NUP58: variants seen among roughly 807,000 people sequenced by gnomAD.
NUP58 encodes the protein nucleoporin 58, also known as nucleoporin p58/p45.
NUP58 carries 17 observed loss-of-function variants against 70.1 expected under a neutral mutation model. The observed-to-expected ratio is 0.24, with a 90% CI of 0.17 to 0.36. The LOEUF (loss-of-function observed/expected upper bound fraction) is 0.36. NUP58 is among the 10% of genes least tolerant of loss of function. The pLI is 1.00. For missense variants in NUP58, 644 were observed against 701.5 expected, an observed-to-expected ratio of 0.92 and a Z score of 0.93; for synonymous variants, 275 against 257.6, an observed-to-expected ratio of 1.07 and a Z score of -0.65.
intron 13 of NUP58, chr13:25,331,786 T>G: frequency 7.3e-7 from 1 of 1,362,638 alleles, no homozygotes; most frequent in Admixed American, 3.1e-5. Flanking sequence ...GTGAATCTAC[T>G]TAATGTTATT....
At chr13:25,315,893 C>G (rs968328435) in intron 6 of NUP58, among the ~76,000 whole-genome samples, 5 of 152,096 alleles carry the variant, frequency 3.3e-5, no homozygotes, top group Non-Finnish European at 7.4e-5. Context: ...GGGTTCAGAT[C>G]CTGGCTCAAC....
intron 5 of NUP58, 108 bp downstream of exon 5, chr13:25,313,859 TTAAA>T (rs1255927000): frequency 2.4e-6 from 2 of 827,506 alleles, no homozygotes; most frequent in African/African-American, 3.6e-5. Context: ...ATATTTTCCT[TTAAA>T]TATGAAAACT....
intron 13 of NUP58, chr13:25,334,041 AT>A (rs924146910): frequency 9.7e-5 from 83 of 853,624 alleles, no homozygotes; most frequent in East Asian, 2.4e-4. Context: ...TCCTCCTTCA[AT>A]TTTTTTTTTA....
At chr13:25,307,583 A>G (rs2030435354) in intron 1 of NUP58, among the ~76,000 whole-genome samples, 1 of 152,120 alleles carries the variant, frequency 6.6e-6, no homozygotes, top group Non-Finnish European at 1.5e-5. Context: ...GACTACTTTT[A>G]CATGTGGATT....
intron 14 of NUP58, 119 bp downstream of exon 14, chr13:25,337,153 G>C (rs777543553): frequency 3.0e-5 from 15 of 507,596 alleles, no homozygotes; most frequent in Non-Finnish European, 4.3e-5. Flanking sequence ...GTTCCATCTG[G>C]CAAAAATGAT....
In NUP58 at chr13:25,340,635, A is replaced by G. The variant is rs2031926479; in HGVS notation, c.*501A>G. ...AGTTGTGTGTGCATATAAAATACATATTTACGCCAGGCGTGGTGGCTCACG... is the reference window on the plus strand; with the variant it reads ...AGTTGTGTGTGCATATAAAATACATGTTTACGCCAGGCGTGGTGGCTCACG... On this transcript the variant is annotated 3_prime_UTR_variant, in exon 16 of 16. Coordinates refer to ENST00000381736, the MANE Select transcript of NUP58 (RefSeq NM_014089.4). The G allele has an allele frequency of 6.6e-6, 1 of 152,176 alleles. No homozygotes were observed. The allele number at this position is 152,176 out of a possible 1,614,324, so 9.4% of individuals were successfully genotyped here. A position where few individuals can be genotyped will look rare whatever the true frequency, so the allele number is the denominator to read the frequency against.
intron 1 of NUP58, chr13:25,303,239 A>C: frequency 2.6e-6 from 1 of 391,432 alleles, no homozygotes; most frequent in Non-Finnish European, 4.9e-6. Context: ...AGAAAAAAAA[A>C]CTTACCATAG....
chr13:25,324,729 C>G (rs189821099), intron 9 of NUP58, among the ~76,000 whole-genome samples: 66 of 152,176 alleles, frequency 4.3e-4, no homozygotes, highest in Middle Eastern at 6.8e-3. Context: ...GAATTCACTT[C>G]GTGAATCCTA....
intron 6 of NUP58, among the ~76,000 whole-genome samples, chr13:25,316,625 A>G (rs1247633551): frequency 6.6e-6 from 1 of 152,096 alleles, no homozygotes; most frequent in Non-Finnish European, 1.5e-5. Flanking sequence ...CTCTGTAGCA[A>G]CTCCATAATT....
intron 10 of NUP58, among the ~76,000 whole-genome samples, chr13:25,326,092 C>T (rs967331533): frequency 6.6e-6 from 1 of 152,120 alleles, no homozygotes; most frequent in African/African-American, 2.4e-5. Flanking sequence ...GTGGATATTT[C>T]TTAAAAATAA....
intron 3 of NUP58, among the ~76,000 whole-genome samples, chr13:25,312,566 C>T (rs532869485): frequency 1.3e-5 from 2 of 152,180 alleles, no homozygotes; most frequent in African/African-American, 4.8e-5. Context: ...CAGGGTTTCA[C>T]CGTGTTGGCC....
chr13:25,302,936 C>T (rs777635582), intron 1 of NUP58: 1 of 456,414 alleles, frequency 2.2e-6, no homozygotes, highest in Non-Finnish European at 4.4e-6. Flanking sequence ...GTTCCACAAC[C>T]CTGCTTAGGC....
At chr13:25,324,197 G>GA (rs1419583513) in intron 9 of NUP58, among the ~76,000 whole-genome samples, 1 of 151,994 alleles carries the variant, frequency 6.6e-6, no homozygotes, top group African/African-American at 2.4e-5. Context: ...AAAGGATGTA[G>GA]AAAAAACAGT....
At chr13:25,323,278 C>T (rs1233222972) in intron 9 of NUP58, among the ~76,000 whole-genome samples, 3 of 151,860 alleles carry the variant, frequency 2.0e-5, no homozygotes, top group Non-Finnish European at 2.9e-5. Context: ...GGCTTAATAC[C>T]TAGGCGATGA....
intron 12 of NUP58, among the ~76,000 whole-genome samples, chr13:25,329,450 C>T (rs1049447636): frequency 6.6e-6 from 1 of 152,004 alleles, no homozygotes; most frequent in Non-Finnish European, 1.5e-5. Context: ...AACAGTGAGA[C>T]CAAGACCACA....
rs768669134 is a variant in NUP58 at position 25,301,761 on chromosome 13, G to A, written c.-13G>A. On this transcript the variant is annotated 5_prime_UTR_variant, in exon 1 of 16. Coordinates refer to ENST00000381736, the MANE Select transcript of NUP58 (RefSeq NM_014089.4). ...CATTTCGCCTTGCTGACGGCGTCGAGCCCTGGCCAGACATGTCCACAGGGT... is the reference window on the plus strand; with the variant it reads ...CATTTCGCCTTGCTGACGGCGTCGAACCCTGGCCAGACATGTCCACAGGGT... The A allele has an allele frequency of 6.3e-7, 1 of 1,587,146 alleles. No homozygotes were observed. Among genetic ancestry groups the A allele is most frequent in the African/African-American group, 1.4e-5 (1 of 73,918 alleles).
At chr13:25,306,201 T>G (rs1207759616) in intron 1 of NUP58, among the ~76,000 whole-genome samples, 4 of 151,868 alleles carry the variant, frequency 2.6e-5, no homozygotes, top group Admixed American at 1.3e-4. Flanking sequence ...GTCAGGAGAT[T>G]GAGACCATCC....
In NUP58 at chr13:25,327,095, A is replaced by G. The variant is rs1272293545; in HGVS notation, c.1150+61A>G. On this transcript the variant is annotated intron_variant, in intron 11 of 15. Transcript: ENST00000381736. ...TTGTTTGTAGGAGATAGATGTGGTT[A>G]TATAATAGGTATTTTGGATAACTAC... is the stretch of plus-strand genomic sequence containing the variant. The G allele has an allele frequency of 4.2e-6, 4 of 950,290 alleles. No individual in the cohort carries two copies. The African/African-American group carries it at 5.0e-5, about 12-fold the overall frequency. The allele number at this position is 950,290 out of a possible 1,614,324, so 58.9% of individuals were successfully genotyped here. A position where few individuals can be genotyped will look rare whatever the true frequency, so the allele number is the denominator to read the frequency against.
intron 12 of NUP58, 105 bp downstream of exon 12, chr13:25,327,617 A>C (rs746090704): frequency 5.1e-5 from 33 of 643,808 alleles, no homozygotes; most frequent in Non-Finnish European, 8.9e-5. Context: ...CTAAAATTAC[A>C]TATAAGTGAA....
Sources: allele counts gnomAD v4.1 joint callset (sites outside exome capture counted in the v4.1 genomes callset), GRCh38; gene constraint gnomAD v4.1.1; transcripts MANE v1.5; gene names NCBI Gene and HGNC (gene_info 2026-07-23, HGNC 2026-07-21).